The following PCMTD1 variants were observed in gnomAD, a reference collection of about 807,000 sequenced individuals.
PCMTD1 encodes the protein protein-L-isoaspartate O-methyltransferase domain-containing protein 1.
A neutral mutation model predicts 37.6 loss-of-function variants in PCMTD1; 12 were observed. The observed-to-expected ratio is 0.32, with a 90% CI of 0.20 to 0.52. PCMTD1 has a LOEUF of 0.52. PCMTD1 is among the 20% of genes least tolerant of loss of function. PCMTD1 has a pLI of 0.97. For synonymous variants in PCMTD1, 117 were observed against 135.8 expected (o/e 0.86, Z 0.96); for missense variants, 235 against 421.3 (o/e 0.56, Z 3.87).
rs1311930980 is a variant in PCMTD1, at chr8:51,850,235, ATGTAAAACTT to A, written c.308-4482_308-4473del. The A allele has an allele frequency of 2.4e-5, 14 of 595,074 alleles. No homozygotes were observed. In the African/African-American group the frequency reaches 2.4e-4, roughly 10 times the overall value. 36.9% of individuals were successfully genotyped at this position (595,074 alleles called of 1,614,324 possible). ...AGTCCCTGGGAAAAAGCATTAAATT[ATGTAAAACTT>A]TGCACACTATAATGTAATCGACAAA... On this transcript the variant is annotated intron_variant, in intron 2 of 5. Coordinates refer to ENST00000522514, the MANE Select transcript of PCMTD1 (RefSeq NM_052937.4).
chr8:51,894,916 CA>C (rs5891442), intron 1 of PCMTD1, among the ~76,000 whole-genome samples: 2 of 151,820 alleles, frequency 1.3e-5, no homozygotes, highest in African/African-American at 2.4e-5. Flanking sequence ...ATCAGGCTTG[CA>C]AAAAAAGTTT....
intron 5 of PCMTD1, among the ~76,000 whole-genome samples, chr8:51,821,637 G>C (rs916497328): frequency 2.0e-5 from 3 of 152,110 alleles, no homozygotes; most frequent in Non-Finnish European, 4.4e-5. Flanking sequence ...GCATAATCAG[G>C]GAGGAGTTGC....
At chr8:51,852,910 C>A (rs1215000840) in intron 2 of PCMTD1, among the ~76,000 whole-genome samples, 1 of 152,094 alleles carries the variant, frequency 6.6e-6, no homozygotes, top group Non-Finnish European at 1.5e-5. Context: ...TGGGGACAGG[C>A]CTCACTTCTG....
At chr8:51,869,897 C>A (rs781298496) in intron 1 of PCMTD1, among the ~76,000 whole-genome samples, 11 of 152,120 alleles carry the variant, frequency 7.2e-5, no homozygotes, top group Non-Finnish European at 1.5e-4. Flanking sequence ...ATATACACAC[C>A]TGAAACTATC....
chr8:51,889,016 A>C (rs2038902060), intron 1 of PCMTD1, among the ~76,000 whole-genome samples: 1 of 152,172 alleles, frequency 6.6e-6, no homozygotes, highest in African/African-American at 2.4e-5. Context: ...TATTTTACAC[A>C]CAACTATGGT....
At chr8:51,830,855 T>C (rs2037987441) in intron 5 of PCMTD1, among the ~76,000 whole-genome samples, 1 of 152,222 alleles carries the variant, frequency 6.6e-6, no homozygotes, top group African/African-American at 2.4e-5. Flanking sequence ...CTACAGTAGA[T>C]GCCCTTCCCA....
At chr8:51,850,991 C>T (rs1236420204) in intron 2 of PCMTD1, among the ~76,000 whole-genome samples, 1 of 152,096 alleles carries the variant, frequency 6.6e-6, no homozygotes, top group African/African-American at 2.4e-5. Flanking sequence ...AGGAGGAAAG[C>T]AATCGGCGAA....
chr8:51,893,181 C>T (rs749685717), intron 1 of PCMTD1, among the ~76,000 whole-genome samples: 1 of 152,250 alleles, frequency 6.6e-6, no homozygotes, highest in South Asian at 2.1e-4. Context: ...CTCTTCCCAT[C>T]ACCAAGATAT....
chr8:51,850,105 T>A (rs537746881), intron 2 of PCMTD1: 1 of 702,130 alleles, frequency 1.4e-6, no homozygotes, highest in African/African-American at 1.7e-5. Context: ...GTGAGAAAGA[T>A]AGTAGATTAA....
intron 1 of PCMTD1, among the ~76,000 whole-genome samples, chr8:51,888,494 AAAAC>A (rs945580606): frequency 2.6e-5 from 4 of 152,214 alleles, no homozygotes; most frequent in Non-Finnish European, 5.9e-5. Context: ...AAAGGGTATG[AAAAC>A]AAACAAGCAG....
chr8:51,888,308 G>A (rs2038891937), intron 1 of PCMTD1, among the ~76,000 whole-genome samples: 1 of 152,132 alleles, frequency 6.6e-6, no homozygotes, highest in Non-Finnish European at 1.5e-5. Flanking sequence ...ATTCAATGCA[G>A]GAGGATTCCA....
intron 2 of PCMTD1, among the ~76,000 whole-genome samples, chr8:51,857,497 G>A (rs139041454): frequency 1.9e-4 from 29 of 152,226 alleles, no homozygotes; most frequent in Non-Finnish European, 3.7e-4. Context: ...ACTTGCCTTC[G>A]TGGTTCTGAT....
chr8:51,856,828 G>C (rs999967518), intron 2 of PCMTD1, among the ~76,000 whole-genome samples: 1 of 152,204 alleles, frequency 6.6e-6, no homozygotes, highest in Non-Finnish European at 1.5e-5. Flanking sequence ...CAGAAAGTAG[G>C]TAACTGGTTG....
At chr8:51,831,926 T>C (rs1369799571) in intron 4 of PCMTD1, among the ~76,000 whole-genome samples, 2 of 152,190 alleles carry the variant, frequency 1.3e-5, no homozygotes. Context: ...TAAGGCATTA[T>C]AGTAATAAGA....
chr8:51,849,222 T>C (rs2038268641), intron 2 of PCMTD1: 7 of 152,108 alleles, frequency 4.6e-5, no homozygotes. Flanking sequence ...GTATAACTTT[T>C]TCAATTAAAA....
At chr8:51,894,503 A>G (rs191726111) in intron 1 of PCMTD1, among the ~76,000 whole-genome samples, 5 of 152,200 alleles carry the variant, frequency 3.3e-5, no homozygotes, top group Non-Finnish European at 7.3e-5. Flanking sequence ...CTTCAAGATC[A>G]TGAAGTTCCA....
At chr8:51,868,978 T>C (rs1026841371) in intron 1 of PCMTD1, among the ~76,000 whole-genome samples, 1 of 152,192 alleles carries the variant, frequency 6.6e-6, no homozygotes, top group Admixed American at 6.6e-5. Context: ...GACTTTCACT[T>C]AATAAGCATT....
chr8:51,842,091 A>T (rs2129279442), intron 3 of PCMTD1, among the ~76,000 whole-genome samples: 1 of 152,268 alleles, frequency 6.6e-6, no homozygotes, highest in Middle Eastern at 3.4e-3. Context: ...TCATTTTTAT[A>T]AGAGAATTTC....
intron 1 of PCMTD1, among the ~76,000 whole-genome samples, chr8:51,881,440 G>A (rs565017149): frequency 2.3e-4 from 35 of 152,222 alleles, no homozygotes; most frequent in Non-Finnish European, 3.8e-4. Context: ...CAGAAAAACA[G>A]GTCATAAGAC....
Sources: gnomAD v4.1 joint callset for allele counts (sites outside exome capture counted in the v4.1 genomes callset) on GRCh38, gnomAD v4.1.1 for gene constraint, MANE v1.5 for transcripts, NCBI Gene and HGNC (gene_info 2026-07-23, HGNC 2026-07-21) for gene names.